NAP1L1: variants seen among roughly 807,000 people sequenced by gnomAD.
The protein encoded by NAP1L1 is nucleosome assembly protein 1-like 1.
A neutral mutation model predicts 58.9 loss-of-function variants in NAP1L1; 9 were observed. The observed-to-expected ratio is 0.15, with a 90% CI of 0.09 to 0.27. NAP1L1 has a LOEUF of 0.27. Ranked by LOEUF, NAP1L1 falls within the 10% of genes least tolerant of loss-of-function variation. The pLI, the probability that NAP1L1 is intolerant of heterozygous loss-of-function variation, is 1.00. For synonymous variants in NAP1L1, 130 were observed against 138.3 expected, an observed-to-expected ratio of 0.94 and a Z score of 0.42; for missense variants, 302 against 458.8, an observed-to-expected ratio of 0.66 and a Z score of 3.12.
intron 6 of NAP1L1, chr12:76,057,682 G>A: frequency 6.7e-7 from 1 of 1,486,798 alleles, no homozygotes. Flanking sequence ...ATATATGCCT[G>A]ATGTTGCTAA....
rs1022950635 is a variant in NAP1L1 at position 76,046,227 on chromosome 12, A to G, written c.*2202T>C. On this transcript the variant is annotated 3_prime_UTR_variant, in exon 15 of 15. Transcript: ENST00000618691. ...AAGGATTTCAGGTTACATACTTCAA[A>G]TTTCTAGAATGGAATGGAATCATTT... The G allele has an allele frequency of 2.0e-5, 3 of 152,276 alleles. No individual in the cohort carries two copies. The highest frequency in any genetic ancestry group is 7.2e-5 in the African/African-American group (3 of 41,426). The allele number at this position is 152,276 out of a possible 1,614,324, so 9.4% of individuals were successfully genotyped here.
chr12:76,059,924 C>A lies in NAP1L1; in HGVS notation c.349-46G>T. ...AAGGCTGTATAAAAACACTGGCATC[C>A]AAGCTAAAACCAGTGGTTTCTCACT... On this transcript the variant is annotated intron_variant, in intron 5 of 14. Transcript: ENST00000618691. The A allele has an allele frequency of 2.1e-6, 3 of 1,425,494 alleles. No homozygotes were observed. The South Asian group carries it at 3.7e-5, about 18-fold the overall frequency. The allele number at this position is 1,425,494 out of a possible 1,614,324, so 88.3% of individuals were successfully genotyped here. A position where few individuals can be genotyped will look rare whatever the true frequency, so the allele number is the denominator to read the frequency against.
chr12:76,056,356 A>G lies in NAP1L1; in HGVS notation c.430-195T>C, dbSNP rs58464026. ...ACTGCTACCACACCCCTCCAAAGAG[A>G]ACCACTAAGGTGACCAAGATGTGTA... On this transcript the variant is annotated intron_variant, in intron 6 of 14. Coordinates refer to ENST00000618691, the MANE Select transcript of NAP1L1 (RefSeq NM_004537.7). The G allele has an allele frequency of 6.7e-3, 3,591 of 536,192 alleles. 132 individuals carry two copies. Among genetic ancestry groups the G allele is most frequent in the African/African-American group, 0.063 (3,263 of 52,142 alleles). 33.2% of individuals were successfully genotyped at this position (536,192 alleles called of 1,614,324 possible).
chr12:76,066,377 C>T (rs929727880), intron 4 of NAP1L1, among the ~76,000 whole-genome samples: 10 of 151,928 alleles, frequency 6.6e-5, no homozygotes, highest in Non-Finnish European at 1.3e-4. Flanking sequence ...TACCAGAGGA[C>T]TCCATGGATA....
At chr12:76,061,019 G>C (rs1334076265) in intron 4 of NAP1L1, 4 of 443,728 alleles carry the variant, frequency 9.0e-6, no homozygotes, top group Non-Finnish European at 1.8e-5. Context: ...CCTGAGCCTG[G>C]GATGTCGAGG....
chr12:76,038,922 A>T lies in NAP1L1; in HGVS notation c.*9507T>A, dbSNP rs1374295619. 1 of 152,170 alleles carries T rather than the reference A, an allele frequency of 6.6e-6. No individual in the cohort carries two copies. The highest frequency in any genetic ancestry group is 1.5e-5 in the Non-Finnish European group (1 of 68,044). 9.4% of individuals were successfully genotyped at this position (152,170 alleles called of 1,614,324 possible). On this transcript the variant is annotated 3_prime_UTR_variant, in exon 15 of 15. Coordinates refer to ENST00000618691, the MANE Select transcript of NAP1L1 (RefSeq NM_004537.7). ...CACTTTTAAGTCATTGTCTCAACCTAATTTGTGCATGCATGGTTCTGAGAA... is the reference window on the plus strand; with the variant it reads ...CACTTTTAAGTCATTGTCTCAACCTTATTTGTGCATGCATGGTTCTGAGAA...
intron 9 of NAP1L1, 149 bp downstream of exon 9, chr12:76,053,621 G>A: frequency 9.8e-7 from 1 of 1,015,792 alleles, no homozygotes; most frequent in Non-Finnish European, 1.4e-6. Flanking sequence ...AGAATTACAG[G>A]AAACTTGATA....
chr12:76,046,423 A>G lies in NAP1L1; in HGVS notation c.*2006T>C, dbSNP rs1300241971. On this transcript the variant is annotated 3_prime_UTR_variant, in exon 15 of 15. Coordinates refer to ENST00000618691, the MANE Select transcript of NAP1L1 (RefSeq NM_004537.7). ...ATGAAAAAGATGATTTTGCTACTTC[A>G]GTTCATTAAAAATGGGATTCTATCT... 1.3e-5 allele frequency: 2 copies of G among 152,410 alleles called. No homozygotes were observed. Among genetic ancestry groups the G allele is most frequent in the African/African-American group, 4.8e-5 (2 of 41,442 alleles). The allele number at this position is 152,410 out of a possible 1,614,324, so 9.4% of individuals were successfully genotyped here.
chr12:76,057,706 T>C (rs1271847096), intron 6 of NAP1L1: 4 of 1,530,002 alleles, frequency 2.6e-6, no homozygotes, highest in Non-Finnish European at 3.5e-6. Context: ...TAGACAATGA[T>C]TAGAGAAGAA....
chr12:76,048,538 C>T, intron 14 of NAP1L1, 74 bp from the exon 15 acceptor site: 2 of 1,460,680 alleles, frequency 1.4e-6, no homozygotes, highest in Non-Finnish European at 1.9e-6. Context: ...GTAATTACTG[C>T]CTTAATTATA....
At position 76,037,598 on chromosome 12, in the gene NAP1L1, C is replaced by T. The variant is rs949242410; in HGVS notation, c.*10831G>A. The stretch of plus-strand genomic sequence containing the variant: ...TTACCCTTGCATGACAAGCCCTCCA[C>T]AGAATGGGTCCTACTTATTTTGACT... On this transcript the variant is annotated 3_prime_UTR_variant, in exon 15 of 15. Coordinates refer to ENST00000618691, the MANE Select transcript of NAP1L1 (RefSeq NM_004537.7). 6.6e-6 allele frequency: 1 copy of T among 152,254 alleles called. No homozygotes were observed. The highest frequency in any genetic ancestry group is 1.5e-5 in the Non-Finnish European group (1 of 68,062). 9.4% of individuals were successfully genotyped at this position (152,254 alleles called of 1,614,324 possible).
intron 3 of NAP1L1, among the ~76,000 whole-genome samples, chr12:76,068,125 G>A (rs1949769624): frequency 6.6e-6 from 1 of 152,038 alleles, no homozygotes; most frequent in Non-Finnish European, 1.5e-5. Context: ...ATTACACAAA[G>A]TGCCATAAAC....
chr12:76,065,796 T>C (rs763562063), intron 4 of NAP1L1, among the ~76,000 whole-genome samples: 2 of 152,000 alleles, frequency 1.3e-5, no homozygotes, highest in Non-Finnish European at 2.9e-5. Flanking sequence ...TTTTTGCTTG[T>C]TGACAACCCT....
Position 76,046,488 on chromosome 12 carries a change from T to TA in NAP1L1, c.*1940dup, listed in dbSNP as rs34944241. 1,094 of 143,818 alleles carry TA rather than the reference T, an allele frequency of 7.6e-3. 4 individuals are homozygous for TA. Among genetic ancestry groups the TA allele is most frequent in the Non-Finnish European group, 0.012 (762 of 64,834 alleles). The allele number at this position is 143,818 out of a possible 1,614,324, so 8.9% of individuals were successfully genotyped here. Reference sequence around the variant, plus strand: ...AAGCTGCATTTCGATGAACTATGGTTAAAAAAAAAAAGCACATAGTGTCTA... The same window carrying TA: ...AAGCTGCATTTCGATGAACTATGGTTAAAAAAAAAAAAGCACATAGTGTCTA... On this transcript the variant is annotated 3_prime_UTR_variant, in exon 15 of 15. Coordinates refer to ENST00000618691, the MANE Select transcript of NAP1L1 (RefSeq NM_004537.7).
Position 76,059,829 on chromosome 12 carries a change from TCA to T in NAP1L1, c.396_397del (p.Cys132Ter), listed in dbSNP as rs1233154670. 6.2e-7 allele frequency: 1 copy of T among 1,603,940 alleles called. No homozygotes were observed. Among genetic ancestry groups the T allele is most frequent in the East Asian group, 2.2e-5 (1 of 44,718 alleles). Reference sequence around the variant, plus strand: ...CTCATCTTCTTCATCTGGTTTCCATTCACATTCTTCTTCCGTAGGTTCATAAA... The same window carrying T: ...CTCATCTTCTTCATCTGGTTTCCATTCATTCTTCTTCCGTAGGTTCATAAA... On this transcript the variant is annotated stop_gained and frameshift_variant, in exon 6 of 15. Coordinates refer to ENST00000618691, the MANE Select transcript of NAP1L1 (RefSeq NM_004537.7). LOFTEE classifies it high-confidence loss of function.
intron 2 of NAP1L1, among the ~76,000 whole-genome samples, chr12:76,072,917 C>T (rs1950024534): frequency 1.3e-5 from 2 of 152,012 alleles, no homozygotes; most frequent in South Asian, 4.1e-4. Flanking sequence ...AAGGTACTAA[C>T]AAACCGAGAA....
chr12:76,079,199 T>C (rs1950306593), intron 1 of NAP1L1, among the ~76,000 whole-genome samples: 1 of 152,154 alleles, frequency 6.6e-6, no homozygotes, highest in Non-Finnish European at 1.5e-5. Context: ...CTAAGGCTCT[T>C]AAAATACTAT....
intron 11 of NAP1L1, among the ~76,000 whole-genome samples, chr12:76,052,313 T>C (rs150124185): frequency 6.6e-6 from 1 of 152,242 alleles, no homozygotes; most frequent in African/African-American, 2.4e-5. Context: ...CATCCACTGA[T>C]ATGAAAATAG....
intron 4 of NAP1L1, among the ~76,000 whole-genome samples, chr12:76,061,246 C>T (rs1055105399): frequency 6.6e-6 from 1 of 152,138 alleles, no homozygotes; most frequent in African/African-American, 2.4e-5. Flanking sequence ...AAGCCCAGTA[C>T]CCAATACTTA....
Sources: gnomAD v4.1 joint callset for allele counts (sites outside exome capture counted in the v4.1 genomes callset) on GRCh38, gnomAD v4.1.1 for gene constraint, MANE v1.5 for transcripts, NCBI Gene and HGNC (gene_info 2026-07-23, HGNC 2026-07-21) for gene names.